DNAH7: variants seen among roughly 807,000 people sequenced by gnomAD.
The protein encoded by DNAH7 is axonemal beta dynein heavy chain 7.
A neutral mutation model predicts 444.6 loss-of-function variants in DNAH7; 397 were observed. The observed-to-expected ratio is 0.89, with a 90% CI of 0.82 to 0.97. DNAH7 has a LOEUF of 0.97. DNAH7 is among the 50% of genes least tolerant of loss of function. The pLI, the probability that DNAH7 is intolerant of heterozygous loss-of-function variation, is 0.00. For missense variants in DNAH7, 4,902 were observed against 4,800.8 expected (o/e 1.02, Z -0.62); for synonymous variants, 1,636 against 1,624.4 (o/e 1.01, Z -0.17).
chr2:195,801,823 CTGAG>C (rs1696474155), intron 54 of DNAH7, among the ~76,000 whole-genome samples: 1 of 152,130 alleles, frequency 6.6e-6, no homozygotes. Context: ...GACTGAGAGA[CTGAG>C]TGTGTTAGGG....
In DNAH7 at chr2:195,776,530, G is replaced by C. The variant is rs560140627; in HGVS notation, c.11065-547C>G. On this transcript the variant is annotated intron_variant, in intron 59 of 64. Transcript: ENST00000312428. ...TCAATTGGAATGGGTTTTTTAATGG[G>C]GGGGAGGGGAATCCTGGTAACTTCA... 2.6e-5 allele frequency among the ~76,000 whole-genome samples: 4 copies of C among 152,164 alleles called. No individual in the cohort carries two copies. In the East Asian group the frequency reaches 5.8e-4, roughly 22 times the overall value.
At chr2:195,847,174 A>G (rs1182134415) in intron 46 of DNAH7, among the ~76,000 whole-genome samples, 1 of 119,308 alleles carries the variant, frequency 8.4e-6, no homozygotes, top group Non-Finnish European at 1.8e-5. Flanking sequence ...ATAAACAGAT[A>G]TATATATATC....
intron 27 of DNAH7, chr2:195,905,531 T>A (rs1486062868): frequency 3.3e-5 from 5 of 152,166 alleles, no homozygotes; most frequent in Admixed American, 6.6e-5. Flanking sequence ...AAGCTGTCAG[T>A]CTAAGCATGT....
At chr2:195,943,579 A>AT (rs1271039920) in intron 19 of DNAH7, among the ~76,000 whole-genome samples, 5 of 152,136 alleles carry the variant, frequency 3.3e-5, no homozygotes, top group African/African-American at 1.2e-4. Context: ...CATTATGTTA[A>AT]TTTCTGCTGT....
chr2:196,023,188 A>C (rs537709044), intron 8 of DNAH7, among the ~76,000 whole-genome samples: 2 of 152,122 alleles, frequency 1.3e-5, no homozygotes, highest in African/African-American at 4.8e-5. Flanking sequence ...GGATGTTTAA[A>C]AGTGTGTGGC....
intron 17 of DNAH7, among the ~76,000 whole-genome samples, chr2:195,966,059 TTGTG>T (rs762605827): frequency 6.6e-6 from 1 of 152,022 alleles, no homozygotes; most frequent in African/African-American, 2.4e-5. Flanking sequence ...TTTTGTTTGT[TTGTG>T]TGTTTGTTTT....
intron 19 of DNAH7, among the ~76,000 whole-genome samples, chr2:195,941,849 T>G (rs1388396089): frequency 6.6e-6 from 1 of 152,146 alleles, no homozygotes; most frequent in African/African-American, 2.4e-5. Flanking sequence ...ATTTCTAGGA[T>G]TAACCTAAAT....
At chr2:195,956,994 C>A (rs1690710841) in intron 19 of DNAH7, among the ~76,000 whole-genome samples, 1 of 152,100 alleles carries the variant, frequency 6.6e-6, no homozygotes, top group African/African-American at 2.4e-5. Flanking sequence ...CCCTCCAGTG[C>A]ATCAGATAAG....
At position 195,993,517 on chromosome 2, in the gene DNAH7, G is replaced by T. The variant is rs772358848; in HGVS notation, c.1354-5288C>A. Among the ~76,000 whole-genome samples, 162 of 152,302 alleles carry T rather than the reference G, an allele frequency of 1.1e-3. 1 individual carries two copies. The highest frequency in any genetic ancestry group is 2.1e-3 in the Non-Finnish European group (142 of 68,008). On this transcript the variant is annotated intron_variant, in intron 12 of 64. Coordinates refer to ENST00000312428, the MANE Select transcript of DNAH7 (RefSeq NM_018897.3). ...TCACAAACATGTGGGGGATAGGGGA[G>T]TGGGCACAGTTTATGGAGATAGAAA...
At chr2:196,013,524 C>T (rs1025146151) in intron 9 of DNAH7, among the ~76,000 whole-genome samples, 2 of 152,172 alleles carry the variant, frequency 1.3e-5, no homozygotes, top group Non-Finnish European at 2.9e-5. Context: ...ATAATATTAG[C>T]ATTAACTTGT....
chr2:195,952,561 C>T (rs779193981), intron 19 of DNAH7, among the ~76,000 whole-genome samples: 2 of 152,146 alleles, frequency 1.3e-5, no homozygotes, highest in African/African-American at 2.4e-5. Flanking sequence ...ATTTCAGGTA[C>T]ACCAATCAAA....
At chr2:196,040,539 C>T (rs1249343558) in intron 5 of DNAH7, among the ~76,000 whole-genome samples, 1 of 152,042 alleles carries the variant, frequency 6.6e-6, no homozygotes, top group Non-Finnish European at 1.5e-5. Context: ...TGTGAAAAAA[C>T]TCTCCACAAC....
chr2:195,988,197 G>A lies in DNAH7; in HGVS notation c.1386C>T (p.Pro462=). ...ESKSKPTTLK[P]IILNEIVDAH... is the part of the protein sequence containing the mutation. ...CATCTACAATTTCATTCAGAATTAT[G>A]GGCTTCAAGGTTGTTGGTTTAGACT... is the stretch of plus-strand genomic sequence containing the variant. The change falls in exon 13 of 65, where the codon CCC becomes CCT. Residue 462 remains proline (P), a synonymous_variant. Coordinates refer to ENST00000312428, the MANE Select transcript of DNAH7 (RefSeq NM_018897.3). 2 of 1,611,600 alleles carry A rather than the reference G, an allele frequency of 1.2e-6. No individual in the cohort carries two copies. Among genetic ancestry groups the A allele is most frequent in the Non-Finnish European group, 1.7e-6 (2 of 1,179,212 alleles).
chr2:195,955,739 GAATTT>G (rs1339985356), intron 19 of DNAH7, among the ~76,000 whole-genome samples: 1 of 151,862 alleles, frequency 6.6e-6, no homozygotes, highest in Non-Finnish European at 1.5e-5. Context: ...TATTTAAAAA[GAATTT>G]AATTTTTTAA....
chr2:195,842,897 T>C (rs536574073), intron 47 of DNAH7, among the ~76,000 whole-genome samples: 3 of 152,292 alleles, frequency 2.0e-5, no homozygotes, highest in South Asian at 2.1e-4. Context: ...ACAGTGGTTA[T>C]AGATGTCCTG....
chr2:195,743,263 A>G (rs1384923288), intron 63 of DNAH7, among the ~76,000 whole-genome samples: 3 of 152,204 alleles, frequency 2.0e-5, no homozygotes, highest in Admixed American at 1.3e-4. Context: ...CTGATCCACT[A>G]CTGGCTTCCT....
intron 49 of DNAH7, among the ~76,000 whole-genome samples, chr2:195,820,117 A>G (rs749984833): frequency 1.5e-4 from 23 of 152,240 alleles, no homozygotes; most frequent in Non-Finnish European, 2.8e-4. Context: ...AATTGAAGGC[A>G]AACATTTTCT....
intron 21 of DNAH7, among the ~76,000 whole-genome samples, chr2:195,929,334 A>C (rs1201478124): frequency 2.0e-5 from 3 of 152,210 alleles, no homozygotes; most frequent in African/African-American, 7.2e-5. Flanking sequence ...TATTCCTATC[A>C]AGCTACCAAC....
chr2:195,865,039 A>G lies in DNAH7; in HGVS notation c.6634-18T>C, dbSNP rs780945010. The G allele has an allele frequency of 1.9e-6, 3 of 1,540,882 alleles. No homozygotes were observed. In the Admixed American group the frequency reaches 6.3e-5, roughly 33 times the overall value. On this transcript the variant is annotated intron_variant, in intron 40 of 64. Coordinates refer to ENST00000312428, the MANE Select transcript of DNAH7 (RefSeq NM_018897.3). ...CGAAGGACCTGTATAATAATTAAAA[A>G]GCAGCTTTAGAAACTTTCTTCTGAT...
Sources: allele counts gnomAD v4.1 joint callset (sites outside exome capture counted in the v4.1 genomes callset), GRCh38; gene constraint gnomAD v4.1.1; transcripts MANE v1.5; gene names NCBI Gene and HGNC (gene_info 2026-07-23, HGNC 2026-07-21).